The following PAX2 variants were observed in gnomAD, a reference collection of about 807,000 sequenced individuals.
PAX2 encodes the protein paired box protein Pax-2.
Under a neutral mutation model 41.7 loss-of-function variants are expected in PAX2, and 9 were observed. The ratio of observed to expected loss-of-function variants is 0.22; its 90% CI spans 0.13 to 0.38. The LOEUF is 0.38. Ranked by LOEUF, PAX2 falls within the 10% of genes least tolerant of loss-of-function variation. The probability of loss-of-function intolerance (pLI) is 1.00; values close to 1 mark genes in which losing one functional copy is unlikely to be tolerated. For synonymous variants in PAX2, 221 were observed against 212.7 expected, an observed-to-expected ratio of 1.04 and a Z score of -0.34; for missense variants, 418 against 531.6, an observed-to-expected ratio of 0.79 and a Z score of 2.10.
chr10:100,794,953 C>A (rs1847269684), intron 5 of PAX2, among the ~76,000 whole-genome samples: 1 of 152,136 alleles, frequency 6.6e-6, no homozygotes, highest in Non-Finnish European at 1.5e-5. Context: ...CGATTAAGGT[C>A]ATAAGGATGT....
At chr10:100,803,453 C>G (rs942420693) in intron 5 of PAX2, among the ~76,000 whole-genome samples, 4 of 152,028 alleles carry the variant, frequency 2.6e-5, no homozygotes, top group Non-Finnish European at 4.4e-5. Context: ...GATGCCACCC[C>G]CTCCTCTGGA....
Position 100,805,150 on chromosome 10 carries a change from A to G in PAX2, c.617-1280A>G, listed in dbSNP as rs149485452. Among the ~76,000 whole-genome samples, 231 of 151,934 alleles carry G rather than the reference A, an allele frequency of 1.5e-3. 1 individual carries two copies. Among genetic ancestry groups the G allele is most frequent in the African/African-American group, 5.2e-3 (215 of 41,422 alleles). On this transcript the variant is annotated intron_variant, in intron 5 of 9. Coordinates refer to ENST00000355243, the MANE Select transcript of PAX2 (RefSeq NM_000278.5). ...AGGTCACATTAGGAAAGCAAACCCC[A>G]TGCTCGGTCTGGGAGGCCAGCAAGG...
intron 6 of PAX2, among the ~76,000 whole-genome samples, chr10:100,807,883 G>A (rs547812222): frequency 4.6e-5 from 7 of 152,180 alleles, no homozygotes; most frequent in Non-Finnish European, 8.8e-5. Flanking sequence ...CCAGCCACTC[G>A]CCTTTCTCCC....
At chr10:100,764,166 AAG>A (rs1411714662) in intron 3 of PAX2, among the ~76,000 whole-genome samples, 3 of 140,700 alleles carry the variant, frequency 2.1e-5, no homozygotes, top group Non-Finnish European at 3.0e-5. Flanking sequence ...TTTTTTGAGA[AAG>A]AGTCTCGCTC....
At chr10:100,743,890 C>T (rs1421136005), upstream of PAX2, among the ~76,000 whole-genome samples, 1 of 152,164 alleles carries the variant, frequency 6.6e-6, no homozygotes, top group African/African-American at 2.4e-5. Flanking sequence ...CTGGGAGGGG[C>T]AGGCGGTGAG....
Position 100,827,446 on chromosome 10 carries a change from C to G in PAX2, c.1109-97C>G. On this transcript the variant is annotated intron_variant, in intron 9 of 9. Transcript: ENST00000355243. This position sits in a 1 kb window ranked among gnomAD's most constrained non-coding sequence, Gnocchi z 8.5. ...TCTCCCAGTCCGGATCCCGCTGGAC[C>G]CCAGCCAGGGGAGGTCTTTTCTGTG... 1.6e-6 allele frequency: 2 copies of G among 1,275,760 alleles called. No homozygotes were observed. Among genetic ancestry groups the G allele is most frequent in the Non-Finnish European group, 2.3e-6 (2 of 874,748 alleles). 79.0% of individuals were successfully genotyped at this position (1,275,760 alleles called of 1,614,324 possible).
chr10:100,759,213 CTGATGGG>C (rs1370622712), intron 3 of PAX2, among the ~76,000 whole-genome samples: 1 of 152,120 alleles, frequency 6.6e-6, no homozygotes, highest in Non-Finnish European at 1.5e-5. Context: ...GTAGTACAGG[CTGATGGG>C]CCCTGAGGAG....
In PAX2 at chr10:100,807,589, C is replaced by T. The variant is rs533717563; in HGVS notation, c.792+984C>T. 5.9e-5 allele frequency among the ~76,000 whole-genome samples: 9 copies of T among 152,328 alleles called. No individual in the cohort carries two copies. In the South Asian group the frequency reaches 6.2e-4, roughly 11 times the overall value. Reference sequence around the variant, plus strand: ...GGTACTCACAGCTAGCCCCGGCAGCCGCATGGAGCCAGTGGGTGTGTGCTG... The same window carrying T: ...GGTACTCACAGCTAGCCCCGGCAGCTGCATGGAGCCAGTGGGTGTGTGCTG... On this transcript the variant is annotated intron_variant, in intron 6 of 9. Coordinates refer to ENST00000355243, the MANE Select transcript of PAX2 (RefSeq NM_000278.5).
intron 3 of PAX2, among the ~76,000 whole-genome samples, chr10:100,770,880 T>C (rs966954464): frequency 5.3e-5 from 8 of 152,242 alleles, no homozygotes; most frequent in African/African-American, 1.4e-4. Context: ...TGTGGATCGA[T>C]AGAGTATGAG....
chr10:100,750,665 G>A lies in PAX2; in HGVS notation c.213-29G>A. 1 of 1,608,386 alleles carries A rather than the reference G, an allele frequency of 6.2e-7. No homozygotes were observed. The highest frequency in any genetic ancestry group is 8.5e-7 in the Non-Finnish European group (1 of 1,175,294). On this transcript the variant is annotated intron_variant, in intron 2 of 9. Coordinates refer to ENST00000355243, the MANE Select transcript of PAX2 (RefSeq NM_000278.5). This position sits in a 1 kb window ranked among gnomAD's most constrained non-coding sequence, Gnocchi z 4.1. ...CCCTGCCCCGCCACAGTCCGCTTCT[G>A]GCTGACCCCGCCGGCTTTCCCGGCG... is the stretch of plus-strand genomic sequence containing the variant.
chr10:100,737,784 C>T (rs1238700418), intron 1 of PAX2, among the ~76,000 whole-genome samples: 1 of 152,238 alleles, frequency 6.6e-6, no homozygotes, highest in African/African-American at 2.4e-5. Context: ...GGACCTCATC[C>T]GGCTAGTTTA....
chr10:100,759,634 C>A (rs1845764710), intron 3 of PAX2, among the ~76,000 whole-genome samples: 1 of 152,210 alleles, frequency 6.6e-6, no homozygotes, highest in African/African-American at 2.4e-5. Flanking sequence ...CACCTGGGAA[C>A]AGAACAAGCC....
In PAX2 at chr10:100,826,398, C is replaced by G. The variant is rs1043741729; in HGVS notation, c.1022-611C>G. ...GACGGCTCCCAACCCACGGGCCCTC[C>G]GCTCACCGCTAGCGGACCAGCGGGC... is the stretch of plus-strand genomic sequence containing the variant. On this transcript the variant is annotated intron_variant, in intron 8 of 9. Coordinates refer to ENST00000355243, the MANE Select transcript of PAX2 (RefSeq NM_000278.5). The surrounding 1 kb of genome is among the most constrained non-coding windows in gnomAD (Gnocchi z 5.5). Among the ~76,000 whole-genome samples, 3 of 152,318 alleles carry G rather than the reference C, an allele frequency of 2.0e-5. No individual in the cohort carries two copies. Among genetic ancestry groups the G allele is most frequent in the South Asian group, 2.1e-4 (1 of 4,826 alleles).
Position 100,750,053 on chromosome 10 carries a change from T to C in PAX2, c.212+139T>C, listed in dbSNP as rs1845376566. ...TCCCCAAAGGGGTCTGGAGAGGTGC[T>C]CCTTTTGGAGAGAGTGTTCAGATGG... On this transcript the variant is annotated intron_variant, in intron 2 of 9. Coordinates refer to ENST00000355243, the MANE Select transcript of PAX2 (RefSeq NM_000278.5). This position sits in a 1 kb window ranked among gnomAD's most constrained non-coding sequence, Gnocchi z 4.1. The C allele has an allele frequency of 1.7e-5, 17 of 1,010,364 alleles. No individual in the cohort carries two copies. Among genetic ancestry groups the C allele is most frequent in the Non-Finnish European group, 2.3e-5 (16 of 691,780 alleles). 62.6% of individuals were successfully genotyped at this position (1,010,364 alleles called of 1,614,324 possible).
At chr10:100,809,042 T>G in intron 6 of PAX2, 68 bp from the exon 7 acceptor site, 1 of 1,493,328 alleles carries the variant, frequency 6.7e-7, no homozygotes, top group Non-Finnish European at 9.3e-7. Flanking sequence ...CTCCTCCCCA[T>G]CTGCACACCG....
chr10:100,800,720 T>C (rs1847532351), intron 5 of PAX2, among the ~76,000 whole-genome samples: 1 of 152,142 alleles, frequency 6.6e-6, no homozygotes, highest in African/African-American at 2.4e-5. Context: ...ACAACTCCAT[T>C]CATGACTGGC....
rs1386738065 is a variant in PAX2 at position 100,749,876 on chromosome 10, G to A, written c.174G>A (p.Leu58=). ...GGCCCTGTGACATCTCCCGGCAGCT[G>A]CGGGTCAGCCACGGCTGTGTCAGCA... The part of the protein sequence containing the change: ...GVRPCDISRQ[L]RVSHGCVSKI... The change falls in exon 2 of 10, where the codon CTG becomes CTA. Residue 58 remains leucine (L), a synonymous_variant. Coordinates refer to ENST00000355243, the MANE Select transcript of PAX2 (RefSeq NM_000278.5). 1.9e-6 allele frequency: 3 copies of A among 1,612,460 alleles called. No individual in the cohort carries two copies. The highest frequency in any genetic ancestry group is 2.5e-6 in the Non-Finnish European group (3 of 1,179,696).
In PAX2 at chr10:100,746,123, CGCG is replaced by C; in HGVS notation, c.-137_-135del. On this transcript the variant is annotated 5_prime_UTR_variant, in exon 1 of 10. Transcript: ENST00000355243. ...AGCGCAGTGCTGCGCCCCCCGCCCC[CGCG>C]CGCCCCGCAGCAGCCGGGCGTTCAC... The C allele has an allele frequency of 3.2e-6, 5 of 1,554,254 alleles. No individual in the cohort carries two copies. The highest frequency in any genetic ancestry group is 3.5e-6 in the Non-Finnish European group (4 of 1,153,204).
At chr10:100,775,632 T>C (rs1846360233) in intron 3 of PAX2, among the ~76,000 whole-genome samples, 2 of 152,130 alleles carry the variant, frequency 1.3e-5, no homozygotes, top group Admixed American at 1.3e-4. Flanking sequence ...CAGAAACTCC[T>C]CAAGCCCGTC....
Sources: gnomAD v4.1 joint callset for allele counts (sites outside exome capture counted in the v4.1 genomes callset) on GRCh38, gnomAD v4.1.1 for gene constraint, Gnocchi (gnomAD v3.1) non-coding constraint, MANE v1.5 for transcripts, NCBI Gene and HGNC (gene_info 2026-07-23, HGNC 2026-07-21) for gene names.